TGM4: variants seen among roughly 807,000 people sequenced by gnomAD.
TGM4 encodes the protein transglutaminase 4.
A neutral mutation model predicts 76.3 loss-of-function variants in TGM4; 61 were observed. The observed-to-expected ratio is 0.80, with a 90% CI of 0.65 to 0.99. The LOEUF is 0.99. TGM4 is among the 50% of genes least tolerant of loss of function. The probability of loss-of-function intolerance (pLI) is 0.00; values close to 1 mark genes in which losing one functional copy is unlikely to be tolerated. For missense variants in TGM4, 794 were observed against 843.2 expected, an observed-to-expected ratio of 0.94 and a Z score of 0.72; for synonymous variants, 337 against 329.8, an observed-to-expected ratio of 1.02 and a Z score of -0.24.
intron 6 of TGM4, among the ~76,000 whole-genome samples, chr3:44,898,678 G>A (rs1304575598): frequency 6.6e-6 from 1 of 152,168 alleles, no homozygotes. Context: ...TTAAGTAGGG[G>A]CTCTTGAAAT....
chr3:44,874,960 C>T (rs1480103272), intron 1 of TGM4, among the ~76,000 whole-genome samples: 1 of 152,216 alleles, frequency 6.6e-6, no homozygotes, highest in African/African-American at 2.4e-5. Context: ...TAAATTATTA[C>T]TGCATTTGCT....
intron 5 of TGM4, among the ~76,000 whole-genome samples, chr3:44,894,566 G>GGA (rs1487676212): frequency 2.0e-5 from 3 of 151,096 alleles, no homozygotes; most frequent in Non-Finnish European, 4.4e-5. Flanking sequence ...TCTGCTGAGT[G>GGA]GAGGGCCAAT....
chr3:44,893,933 C>CGTCTCTCTCCCACCCCCCAT (rs1699739406), intron 5 of TGM4, among the ~76,000 whole-genome samples: 1 of 91,936 alleles, frequency 1.1e-5, no homozygotes, highest in African/African-American at 3.8e-5. Context: ...ATCCACCCCA[C>CGTCTCTCTCCCACCCCCCAT]GGCTCTCTCC....
chr3:44,904,092 C>A (rs1699890913), intron 9 of TGM4, 105 bp downstream of exon 9: 2 of 1,036,734 alleles, frequency 1.9e-6, no homozygotes, highest in Admixed American at 4.2e-5. Context: ...GGAAAGTTTT[C>A]ATAAAAATTT....
chr3:44,912,884 C>T (rs1330340967), intron 13 of TGM4, among the ~76,000 whole-genome samples: 1 of 152,060 alleles, frequency 6.6e-6, no homozygotes, highest in Non-Finnish European at 1.5e-5. Flanking sequence ...TAATTGTTTG[C>T]TGGACTATAT....
In TGM4 at chr3:44,910,196, A is replaced by G. The variant is rs753618130; in HGVS notation, c.1434A>G (p.Gln478=). Reference sequence around the variant, plus strand: ...AGAACTTTCTTCACATGTCGGTACAATCAGATGATGTGCTGCTGGGAAACT... The same window carrying G: ...AGAACTTTCTTCACATGTCGGTACAGTCAGATGATGTGCTGCTGGGAAACT... ...VKENFLHMSV[Q]SDDVLLGNSV... is the part of the protein sequence containing the mutation. The change falls in exon 11 of 14, where the codon CAA becomes CAG. Residue 478 remains glutamine, a synonymous_variant. Coordinates refer to ENST00000296125, the MANE Select transcript of TGM4 (RefSeq NM_003241.4). 25 of 1,614,098 alleles carry G rather than the reference A, an allele frequency of 1.5e-5. No individual in the cohort carries two copies. Among genetic ancestry groups the G allele is most frequent in the East Asian group, 2.2e-5 (1 of 44,904 alleles).
In TGM4 at chr3:44,913,894, G is replaced by A; in HGVS notation, c.*169G>A. On this transcript the variant is annotated 3_prime_UTR_variant, in exon 14 of 14. Transcript: ENST00000296125. ...TAAGCAGCCAGACCCACAAGGCCAGGTCCTGTGCTATCACAGGGTCACCTC... is the reference window on the plus strand; with the variant it reads ...TAAGCAGCCAGACCCACAAGGCCAGATCCTGTGCTATCACAGGGTCACCTC... 3.6e-6 allele frequency: 3 copies of A among 843,500 alleles called. No homozygotes were observed. The highest frequency in any genetic ancestry group is 1.9e-5 in the South Asian group (1 of 53,294). The allele number at this position is 843,500 out of a possible 1,614,324, so 52.3% of individuals were successfully genotyped here.
chr3:44,902,936 A>T (rs1699874326), intron 8 of TGM4, among the ~76,000 whole-genome samples: 1 of 152,240 alleles, frequency 6.6e-6, no homozygotes. Context: ...TTTCAGTTGA[A>T]GTTGGAGCCT....
At chr3:44,885,632 A>C (rs1489826017) in intron 2 of TGM4, 134 bp downstream of exon 2, 24 of 932,248 alleles carry the variant, frequency 2.6e-5, no homozygotes, top group Non-Finnish European at 3.8e-5. Context: ...CTCCATCTGT[A>C]ATGTGGGAAT....
intron 1 of TGM4, among the ~76,000 whole-genome samples, chr3:44,878,454 TATTATTATTATTATTATTATTA>T (rs1699480979): frequency 6.3e-5 from 9 of 142,802 alleles, no homozygotes; most frequent in East Asian, 4.0e-4. Context: ...TTTGTTTTAT[TATTATTATTATTATTATTATTA>T]TTATTATTAT....
chr3:44,905,653 G>A (rs1433667083), intron 9 of TGM4, among the ~76,000 whole-genome samples: 1 of 152,234 alleles, frequency 6.6e-6, no homozygotes, highest in East Asian at 1.9e-4. Context: ...CCATCAGTGT[G>A]AGACTCCTGA....
chr3:44,882,206 G>A (rs1370544138), intron 1 of TGM4, among the ~76,000 whole-genome samples: 6 of 151,958 alleles, frequency 3.9e-5, no homozygotes, highest in Non-Finnish European at 5.9e-5. Context: ...CCGAGTAACC[G>A]GGATTACAGG....
At chr3:44,877,120 C>T (rs1483992067) in intron 1 of TGM4, among the ~76,000 whole-genome samples, 2 of 151,996 alleles carry the variant, frequency 1.3e-5, no homozygotes, top group African/African-American at 4.8e-5. Flanking sequence ...GCCTGGAAAA[C>T]ATAGTGAGAC....
rs201336540 is a variant in TGM4 at position 44,906,929 on chromosome 3, C to A, written c.1076-20C>A. ...GCTGGGGAACCCCACTGAGAGTGAC[C>A]ACCCCTGGCTTCCCCTCAGGTGTCT... On this transcript the variant is annotated intron_variant, in intron 9 of 13. Coordinates refer to ENST00000296125, the MANE Select transcript of TGM4 (RefSeq NM_003241.4). 5.4e-5 allele frequency: 87 copies of A among 1,608,556 alleles called. No homozygotes were observed. Among genetic ancestry groups the A allele is most frequent in the Admixed American group, 3.0e-4 (18 of 59,948 alleles).
intron 9 of TGM4, among the ~76,000 whole-genome samples, chr3:44,905,879 G>T (rs2125758745): frequency 6.6e-6 from 1 of 152,314 alleles, no homozygotes; most frequent in South Asian, 2.1e-4. Flanking sequence ...AGTATTGAGG[G>T]CTCTTTCCAT....
chr3:44,910,825 A>G, intron 11 of TGM4, 133 bp from the exon 12 acceptor site: 1 of 980,604 alleles, frequency 1.0e-6, no homozygotes, highest in African/African-American at 1.6e-5. Context: ...TTTTCTAAAG[A>G]GAGTATGGGA....
rs1279458993 is a variant in TGM4 at position 44,901,546 on chromosome 3, G to A, written c.680G>A (p.Gly227Asp). 2 of 1,612,308 alleles carry A rather than the reference G, an allele frequency of 1.2e-6. No individual in the cohort carries two copies. The highest frequency in any genetic ancestry group is 1.1e-5 in the South Asian group (1 of 90,858). Residue 227 changes from glycine (G) to aspartate (D), a missense_variant, in exon 7 of 14, where the codon GGC (glycine) becomes GAC (aspartate). Transcript: ENST00000296125. ...CAGATGAGCTTTGAGAAAGGCCAGG[G>A]CGTGCTCATTGGGAATTGGACTGGG... Reference protein sequence around the residue: ...CAMMSFEKGQGVLIGNWTGDY... With the variant: ...CAMMSFEKGQDVLIGNWTGDY...
chr3:44,910,292 T>C lies in TGM4; in HGVS notation c.1530T>C (p.Phe510=), dbSNP rs1699985298. 5 of 1,614,074 alleles carry C rather than the reference T, an allele frequency of 3.1e-6. No homozygotes were observed. The highest frequency in any genetic ancestry group is 4.2e-6 in the Non-Finnish European group (5 of 1,180,042). The change falls in exon 11 of 14, where the codon TTT becomes TTC. Residue 510 remains phenylalanine, a synonymous_variant. Coordinates refer to ENST00000296125, the MANE Select transcript of TGM4 (RefSeq NM_003241.4). Reference sequence around the variant, plus strand: ...AGAATGTCAACATCTTGGGCTCCTTTGAACTACAGTTGTACACTGGCAAGA... The same window carrying C: ...AGAATGTCAACATCTTGGGCTCCTTCGAACTACAGTTGTACACTGGCAAGA... ...ALQNVNILGS[F]ELQLYTGKKM... is the part of the protein sequence containing the mutation.
Position 44,896,786 on chromosome 3 carries a change from C to T in TGM4, c.627C>T (p.Pro209=), listed in dbSNP as rs753060114. Reference sequence around the variant, plus strand: ...TCAAGCCCACAGATAGGAGGGACCCCGTGCTGGTGTGCAGGGCCATGTGTG... The same window carrying T: ...TCAAGCCCACAGATAGGAGGGACCCTGTGCTGGTGTGCAGGGCCATGTGTG... The part of the protein sequence containing the change: ...SSLKPTDRRD[P]VLVCRAMCAM... The change falls in exon 6 of 14, where the codon CCC becomes CCT. Residue 209 remains proline, a synonymous_variant. Coordinates refer to ENST00000296125, the MANE Select transcript of TGM4 (RefSeq NM_003241.4). 20 of 1,614,124 alleles carry T rather than the reference C, an allele frequency of 1.2e-5. No individual in the cohort carries two copies. The highest frequency in any genetic ancestry group is 8.8e-5 in the South Asian group (8 of 91,088).
Sources: allele counts gnomAD v4.1 joint callset (sites outside exome capture counted in the v4.1 genomes callset), GRCh38; gene constraint gnomAD v4.1.1; transcripts MANE v1.5; gene names NCBI Gene and HGNC (gene_info 2026-07-23, HGNC 2026-07-21).